The following FBXO42 variants were observed in gnomAD, a reference collection of about 807,000 sequenced individuals.
The protein encoded by FBXO42 is F-box protein 42.
FBXO42 carries 12 observed loss-of-function variants against 71.7 expected under a neutral mutation model. The observed-to-expected ratio is 0.17, with a 90% confidence interval of 0.11 to 0.27. FBXO42 has a LOEUF of 0.27. Ranked by LOEUF, FBXO42 falls within the 10% of genes least tolerant of loss-of-function variation. The probability of loss-of-function intolerance (pLI) is 1.00; values close to 1 mark genes in which losing one functional copy is unlikely to be tolerated. For synonymous variants in FBXO42, 325 were observed against 327.5 expected (o/e 0.99, Z 0.08); for missense variants, 707 against 911.9 (o/e 0.78, Z 2.89).
At chr1:16,298,813 G>A (rs2082158692) in intron 3 of FBXO42, among the ~76,000 whole-genome samples, 1 of 151,396 alleles carries the variant, frequency 6.6e-6, no homozygotes, top group Admixed American at 6.6e-5. Context: ...CCCGGCCAAT[G>A]TCCTATGACT....
intron 3 of FBXO42, among the ~76,000 whole-genome samples, chr1:16,298,856 T>G (rs930349248): frequency 2.0e-5 from 3 of 152,024 alleles, no homozygotes; most frequent in Non-Finnish European, 4.4e-5. Flanking sequence ...ATTATAACAT[T>G]GCTTAATAAA....
At chr1:16,254,116 T>C (rs540100316) in intron 6 of FBXO42, among the ~76,000 whole-genome samples, 2 of 152,326 alleles carry the variant, frequency 1.3e-5, no homozygotes, top group African/African-American at 4.8e-5. Context: ...CTTCCCCTAC[T>C]TTCCCTAGAA....
intron 4 of FBXO42, among the ~76,000 whole-genome samples, chr1:16,271,267 G>A (rs1405358429): frequency 9.5e-6 from 1 of 104,856 alleles, no homozygotes; most frequent in Non-Finnish European, 2.3e-5. Context: ...TGGTGTGTGT[G>A]TGTGTGTGTG....
intron 3 of FBXO42, among the ~76,000 whole-genome samples, chr1:16,300,075 T>C (rs1263994931): frequency 1.3e-5 from 2 of 152,206 alleles, no homozygotes; most frequent in Non-Finnish European, 2.9e-5. Flanking sequence ...ATGAACCTTT[T>C]AGGAAAAAGA....
intron 3 of FBXO42, among the ~76,000 whole-genome samples, chr1:16,296,267 A>G (rs972598676): frequency 6.6e-6 from 1 of 152,222 alleles, no homozygotes; most frequent in Non-Finnish European, 1.5e-5. Context: ...ATAAAATAAA[A>G]TAAAATTAAG....
chr1:16,296,933 C>T (rs1380065982), intron 3 of FBXO42, among the ~76,000 whole-genome samples: 1 of 143,240 alleles, frequency 7.0e-6, no homozygotes, highest in Non-Finnish European at 1.5e-5. Context: ...CCGCACCCCC[C>T]ACCCCCCGCT....
chr1:16,336,672 T>G (rs567688381), intron 1 of FBXO42, among the ~76,000 whole-genome samples: 11 of 151,910 alleles, frequency 7.2e-5, no homozygotes, highest in African/African-American at 1.4e-4. Flanking sequence ...AAGGTTTAAT[T>G]TGGACATATT....
intron 4 of FBXO42, among the ~76,000 whole-genome samples, chr1:16,271,302 T>TGTGTGTGTGTGTG (rs1569838041): frequency 1.4e-5 from 2 of 140,686 alleles, no homozygotes; most frequent in African/African-American, 2.7e-5. Context: ...TGTGTGTGTG[T>TGTGTGTGTGTGTG]TGGCATCTAA....
At chr1:16,322,123 T>C (rs1239502433) in intron 1 of FBXO42, among the ~76,000 whole-genome samples, 2 of 152,200 alleles carry the variant, frequency 1.3e-5, no homozygotes, top group East Asian at 1.9e-4. Flanking sequence ...CCTACCTTTA[T>C]ATGTTACTAG....
chr1:16,278,397 C>T (rs1336431956), intron 4 of FBXO42, among the ~76,000 whole-genome samples: 2 of 152,040 alleles, frequency 1.3e-5, no homozygotes, highest in Non-Finnish European at 2.9e-5. Context: ...AAACCACATC[C>T]AGCTGTTTCA....
chr1:16,263,606 C>A (rs1438756335), intron 4 of FBXO42, among the ~76,000 whole-genome samples: 1 of 151,492 alleles, frequency 6.6e-6, no homozygotes, highest in Non-Finnish European at 1.5e-5. Flanking sequence ...ACCTGTAATC[C>A]CAGCTTCTTG....
chr1:16,251,284 G>A lies in FBXO42; in HGVS notation c.1540C>T (p.Pro514Ser). 1 of 1,614,210 alleles carries A rather than the reference G, an allele frequency of 6.2e-7. No individual in the cohort carries two copies. Among genetic ancestry groups the A allele is most frequent in the Non-Finnish European group, 8.5e-7 (1 of 1,180,028 alleles). The change falls in exon 10 of 10, where the codon CCC becomes TCC. Residue 514 changes from proline to serine, a missense_variant. By Grantham distance (74) the Pro-to-Ser change is moderately conservative. Around this residue, in one of 5 missense-constraint regions of FBXO42, gnomAD observed 482 missense variants for 587.1 expected, o/e 0.82. Coordinates refer to ENST00000375592, the MANE Select transcript of FBXO42 (RefSeq NM_018994.3). The surrounding 1 kb of genome is among the most constrained non-coding windows in gnomAD (Gnocchi z 4.5). ...WDLKPASSSN[P>S]MDGMDNRTVG... ...GTCCTATTGTCCATGCCATCCATGGGATTACTACTGGAAGCGGGTTTCAGA... is the reference window on the plus strand; with the variant it reads ...GTCCTATTGTCCATGCCATCCATGGAATTACTACTGGAAGCGGGTTTCAGA...
chr1:16,288,186 TC>T (rs2082041535), intron 4 of FBXO42, among the ~76,000 whole-genome samples: 2 of 151,286 alleles, frequency 1.3e-5, no homozygotes, highest in Non-Finnish European at 2.9e-5. Context: ...AAGCGTGTAA[TC>T]CCAGGAGGCC....
intron 3 of FBXO42, among the ~76,000 whole-genome samples, chr1:16,301,614 G>C (rs1313716601): frequency 6.7e-6 from 1 of 148,766 alleles, no homozygotes; most frequent in Non-Finnish European, 1.5e-5. Flanking sequence ...AGTGAGCCAA[G>C]ACCGCGCCAC....
At chr1:16,338,726 A>G (rs934037267) in intron 1 of FBXO42, among the ~76,000 whole-genome samples, 3 of 151,848 alleles carry the variant, frequency 2.0e-5, no homozygotes, top group Non-Finnish European at 4.4e-5. Context: ...CCCACTGATA[A>G]ACAAAAATAT....
At chr1:16,327,583 C>A (rs1159616643) in intron 1 of FBXO42, among the ~76,000 whole-genome samples, 2 of 152,114 alleles carry the variant, frequency 1.3e-5, no homozygotes, top group Non-Finnish European at 2.9e-5. Flanking sequence ...TTTGCCCAAA[C>A]CATTCAATTC....
chr1:16,255,033 C>T (rs1210939796), intron 6 of FBXO42, among the ~76,000 whole-genome samples: 3 of 152,214 alleles, frequency 2.0e-5, no homozygotes, highest in African/African-American at 7.2e-5. Flanking sequence ...GTCAATCTCC[C>T]CCTCTTCTCC....
chr1:16,253,968 T>A (rs1468208168), intron 6 of FBXO42, among the ~76,000 whole-genome samples: 1 of 152,218 alleles, frequency 6.6e-6, no homozygotes, highest in Non-Finnish European at 1.5e-5. Flanking sequence ...AGTCACTTAA[T>A]TTTCTCTAAC....
intron 2 of FBXO42, among the ~76,000 whole-genome samples, chr1:16,307,388 C>T (rs1213190343): frequency 6.6e-6 from 1 of 152,044 alleles, no homozygotes; most frequent in Non-Finnish European, 1.5e-5. Flanking sequence ...GTAGTCCTAG[C>T]TACTTGGGAG....
Sources: allele counts gnomAD v4.1 joint callset (sites outside exome capture counted in the v4.1 genomes callset), GRCh38; gene constraint gnomAD v4.1.1; regional missense constraint gnomAD v4.1.1; non-coding constraint Gnocchi (gnomAD v3.1); transcripts MANE v1.5; gene names NCBI Gene and HGNC (gene_info 2026-07-23, HGNC 2026-07-21).